Variants in NRG3 observed in about 807,000 individuals in gnomAD.
NRG3 encodes pro-neuregulin-3, membrane-bound isoform.
In NRG3, 31 loss-of-function variants were observed where a neutral mutation model predicts 66.9. That is an observed-to-expected ratio of 0.46 (90% CI 0.35 to 0.63). NRG3 has a LOEUF of 0.63. Among genes scored for constraint, NRG3 ranks in the 20% least tolerant of loss-of-function variants. The pLI is 0.00. For synonymous variants in NRG3, 393 were observed against 359.4 expected, an observed-to-expected ratio of 1.09 and a Z score of -1.06; for missense variants, 910 against 878.9, an observed-to-expected ratio of 1.04 and a Z score of -0.45.
chr10:82,012,788 A>G (rs1217127319), intron 1 of NRG3, among the ~76,000 whole-genome samples: 1 of 152,212 alleles, frequency 6.6e-6, no homozygotes, highest in East Asian at 1.9e-4. Context: ...GCATAAAAAG[A>G]GTCACCTTTG....
At chr10:82,292,531 C>T in intron 1 of NRG3, among the ~76,000 whole-genome samples, 1 of 152,176 alleles carries the variant, frequency 6.6e-6, no homozygotes, top group Non-Finnish European at 1.5e-5. Flanking sequence ...GAAACCTCTA[C>T]TTAAATGTTC....
intron 2 of NRG3, among the ~76,000 whole-genome samples, chr10:82,677,699 G>T (rs1304270519): frequency 6.6e-6 from 1 of 152,140 alleles, no homozygotes; most frequent in African/African-American, 2.4e-5. Context: ...GACCAAGGGG[G>T]TGTAAGGCAG....
At chr10:82,948,324 A>G (rs1181117572) in intron 4 of NRG3, among the ~76,000 whole-genome samples, 1 of 152,140 alleles carries the variant, frequency 6.6e-6, no homozygotes, top group Admixed American at 6.5e-5. Flanking sequence ...CTACAGCTTT[A>G]TAAGAAATCT....
At chr10:82,261,900 G>A (rs1564724378) in intron 1 of NRG3, among the ~76,000 whole-genome samples, 1 of 152,176 alleles carries the variant, frequency 6.6e-6, no homozygotes, top group East Asian at 1.9e-4. Flanking sequence ...CGGTGCTGCT[G>A]AGATTTTGTT....
chr10:82,541,752 T>C (rs570777882), intron 2 of NRG3, among the ~76,000 whole-genome samples: 1 of 152,246 alleles, frequency 6.6e-6, no homozygotes, highest in Non-Finnish European at 1.5e-5. Flanking sequence ...TAAGACAATA[T>C]GAGGGGTGGT....
chr10:81,892,240 A>G (rs1454665679), intron 1 of NRG3, among the ~76,000 whole-genome samples: 1 of 152,080 alleles, frequency 6.6e-6, no homozygotes, highest in Non-Finnish European at 1.5e-5. Context: ...ATGTCTGTGC[A>G]TTATACACAC....
intron 6 of NRG3, among the ~76,000 whole-genome samples, chr10:82,962,207 A>G (rs887380680): frequency 6.6e-6 from 1 of 152,216 alleles, no homozygotes; most frequent in Non-Finnish European, 1.5e-5. Context: ...CAAATAAAGC[A>G]TCTGTGAGTA....
chr10:82,450,040 A>G (rs1398027937), intron 2 of NRG3, among the ~76,000 whole-genome samples: 1 of 152,202 alleles, frequency 6.6e-6, no homozygotes, highest in Non-Finnish European at 1.5e-5. Context: ...AGGATGCATG[A>G]CAGAGTGGAG....
At chr10:82,259,565 G>A (rs146080372) in intron 1 of NRG3, among the ~76,000 whole-genome samples, 1 of 152,250 alleles carries the variant, frequency 6.6e-6, no homozygotes, top group East Asian at 1.9e-4. Flanking sequence ...GAAATATTAA[G>A]TAAAAAGTAG....
At chr10:82,228,006 A>C (rs1453951320) in intron 1 of NRG3, among the ~76,000 whole-genome samples, 1 of 152,160 alleles carries the variant, frequency 6.6e-6, no homozygotes, top group East Asian at 1.9e-4. Flanking sequence ...CCTGCATGAT[A>C]GTGTACCTAT....
At chr10:82,091,567 A>C (rs1259664439) in intron 1 of NRG3, among the ~76,000 whole-genome samples, 1 of 152,168 alleles carries the variant, frequency 6.6e-6, no homozygotes, top group Non-Finnish European at 1.5e-5. Context: ...TCTGCTAAAT[A>C]GTTGATTTGG....
intron 3 of NRG3, among the ~76,000 whole-genome samples, chr10:82,834,491 A>G (rs941166664): frequency 6.6e-6 from 1 of 152,200 alleles, no homozygotes; most frequent in African/African-American, 2.4e-5. Context: ...AATTGCAAAT[A>G]AAGACGGCCA....
chr10:81,894,150 G>A (rs531065247), intron 1 of NRG3, among the ~76,000 whole-genome samples: 1 of 152,182 alleles, frequency 6.6e-6, no homozygotes, highest in Admixed American at 6.5e-5. Context: ...AGACCAACCT[G>A]ATCAACATGG....
At chr10:82,022,582 G>A (rs1322207625) in intron 1 of NRG3, among the ~76,000 whole-genome samples, 1 of 152,066 alleles carries the variant, frequency 6.6e-6, no homozygotes, top group East Asian at 1.9e-4. Flanking sequence ...TTCTCTACAG[G>A]ATTTCTTTAT....
chr10:82,381,482 C>T (rs963663738), intron 2 of NRG3, among the ~76,000 whole-genome samples: 1 of 152,086 alleles, frequency 6.6e-6, no homozygotes, highest in African/African-American at 2.4e-5. Context: ...TTAAGTAACT[C>T]GTCCAAGCGG....
At chr10:81,952,708 A>T (rs1849487089) in intron 1 of NRG3, among the ~76,000 whole-genome samples, 1 of 152,052 alleles carries the variant, frequency 6.6e-6, no homozygotes, top group Non-Finnish European at 1.5e-5. Flanking sequence ...GGCTTAAGCG[A>T]TCCTTCCACC....
intron 3 of NRG3, among the ~76,000 whole-genome samples, chr10:82,760,221 G>C (rs1008152471): frequency 6.6e-6 from 1 of 152,074 alleles, no homozygotes; most frequent in South Asian, 2.1e-4. Context: ...CAGGGCCCCA[G>C]TAGAGACAAA....
At position 82,029,162 on chromosome 10, in the gene NRG3, T is replaced by C. The variant is rs570035412; in HGVS notation, c.823+152999T>C. 1.1e-4 allele frequency among the ~76,000 whole-genome samples: 17 copies of C among 152,162 alleles called. No individual in the cohort carries two copies. The East Asian group carries it at 3.1e-3, about 28-fold the overall frequency. ...AGGTGGAGGTTGCAGTGATCAGAGA[T>C]CGCATCACTGCATTCCAGCCTGGGC... On this transcript the variant is annotated intron_variant, in intron 1 of 8. Coordinates refer to ENST00000372141, the MANE Select transcript of NRG3 (RefSeq NM_001010848.4).
intron 1 of NRG3, among the ~76,000 whole-genome samples, chr10:82,212,800 T>C (rs1438779877): frequency 6.6e-6 from 1 of 152,248 alleles, no homozygotes; most frequent in Non-Finnish European, 1.5e-5. Context: ...ATAAATTATA[T>C]ATGCATGGCA....
Sources: gnomAD v4.1 joint callset for allele counts (sites outside exome capture counted in the v4.1 genomes callset) on GRCh38, gnomAD v4.1.1 for gene constraint, MANE v1.5 for transcripts, NCBI Gene and HGNC (gene_info 2026-07-23, HGNC 2026-07-21) for gene names.